The following ACOT11 variants were observed in gnomAD, a reference collection of about 807,000 sequenced individuals.
ACOT11 encodes the protein acyl-coenzyme A thioesterase 11.
ACOT11 carries 69 observed loss-of-function variants against 77.5 expected under a neutral mutation model. The observed-to-expected ratio is 0.89, with a 90% CI of 0.73 to 1.09. The LOEUF (loss-of-function observed/expected upper bound fraction) is 1.09, where lower values mean the gene tolerates loss of function less well. Ranked by LOEUF, ACOT11 falls within the 50% of genes least tolerant of loss-of-function variation. The pLI, the probability that ACOT11 is intolerant of heterozygous loss-of-function variation, is 0.00. For missense variants in ACOT11, 766 were observed against 813.7 expected (o/e 0.94, Z 0.71); for synonymous variants, 279 against 313.0 (o/e 0.89, Z 1.15).
chr1:54,600,192 C>T (rs577768556), intron 8 of ACOT11, among the ~76,000 whole-genome samples: 8 of 152,256 alleles, frequency 5.3e-5, no homozygotes, highest in South Asian at 2.1e-4. Flanking sequence ...CGTTCTGCCA[C>T]GGTGCAGGGG....
At chr1:54,557,160 A>G (rs796510765) in intron 1 of ACOT11, among the ~76,000 whole-genome samples, 74 of 152,052 alleles carry the variant, frequency 4.9e-4, no homozygotes, top group African/African-American at 1.7e-3. Flanking sequence ...TTGGGAGGCC[A>G]AGGCAGGCAG....
intron 1 of ACOT11, among the ~76,000 whole-genome samples, chr1:54,569,021 G>A (rs140773482): frequency 0.021 from 3,267 of 152,010 alleles, 58 homozygotes; most frequent in South Asian, 0.058. Flanking sequence ...TGAGGTGGGA[G>A]GATTACTTGA....
At position 54,607,466 on chromosome 1, in the gene ACOT11, C is replaced by T. The variant is rs2101007343; in HGVS notation, c.1502+201C>T. Among the ~76,000 whole-genome samples the T allele has an allele frequency of 6.6e-6, 1 of 152,246 alleles. No homozygotes were observed. Among genetic ancestry groups the T allele is most frequent in the South Asian group, 2.1e-4 (1 of 4,830 alleles). On this transcript the variant is annotated intron_variant, in intron 14 of 15. Transcript: ENST00000343744. This position sits in a 1 kb window ranked among gnomAD's most constrained non-coding sequence, Gnocchi z 4.5. The stretch of plus-strand genomic sequence containing the variant: ...ATGAGGGATAGGGGCACACATTTCC[C>T]CTCTTGTCGCATTCCCTAGAGCAGG...
downstream of ACOT11, chr1:54,610,959 A>G: frequency 1.0e-6 from 1 of 985,420 alleles, no homozygotes; most frequent in Non-Finnish European, 1.2e-6. Flanking sequence ...AATACAGTGG[A>G]GGCCTCTGAA....
intron 10 of ACOT11, among the ~76,000 whole-genome samples, chr1:54,603,378 A>C (rs1643987582): frequency 6.6e-6 from 1 of 152,220 alleles, no homozygotes; most frequent in Non-Finnish European, 1.5e-5. Flanking sequence ...AAATGAAGCC[A>C]GGTGTGTCTG....
At chr1:54,604,822 G>A (rs1487235294) in intron 12 of ACOT11, among the ~76,000 whole-genome samples, 1 of 152,196 alleles carries the variant, frequency 6.6e-6, no homozygotes, top group East Asian at 1.9e-4. Context: ...GTGCCACTGG[G>A]GCTTGGATGG....
At chr1:54,620,708 A>G (rs1010919446) in intron 15 of ACOT11, among the ~76,000 whole-genome samples, 5 of 151,024 alleles carry the variant, frequency 3.3e-5, no homozygotes, top group Admixed American at 1.3e-4. Flanking sequence ...AGCGGGATGG[A>G]CGTGGTGGCA....
At chr1:54,621,286 A>G (rs1644227944) in intron 15 of ACOT11, among the ~76,000 whole-genome samples, 2 of 151,902 alleles carry the variant, frequency 1.3e-5, no homozygotes, top group African/African-American at 2.4e-5. Flanking sequence ...GTGAAACCCC[A>G]TCTCTACTAA....
chr1:54,555,389 CCTTT>C (rs1233555765), intron 1 of ACOT11, among the ~76,000 whole-genome samples: 4 of 152,048 alleles, frequency 2.6e-5, no homozygotes, highest in Admixed American at 6.6e-5. Flanking sequence ...TGTATAGCTT[CCTTT>C]GAGAAATGCC....
chr1:54,573,247 C>T (rs946135581), intron 1 of ACOT11: 1 of 985,288 alleles, frequency 1.0e-6, no homozygotes, highest in Admixed American at 6.1e-5. Flanking sequence ...AGTGGTCAAG[C>T]AGTCTTAGCT....
intron 3 of ACOT11, among the ~76,000 whole-genome samples, chr1:54,588,982 A>G (rs1654609502): frequency 6.6e-6 from 1 of 152,138 alleles, no homozygotes; most frequent in East Asian, 1.9e-4. Context: ...CCACTTAAGA[A>G]TATTTCCAAA....
At chr1:54,605,054 G>A (rs757707002) in intron 12 of ACOT11, 22 bp from the exon 13 acceptor site, 2 of 1,602,232 alleles carry the variant, frequency 1.2e-6, no homozygotes, top group East Asian at 4.5e-5. Context: ...CAGCAAATGA[G>A]GCTGCCCTCT....
chr1:54,617,153 A>G (rs1369937561), intron 15 of ACOT11, among the ~76,000 whole-genome samples: 1 of 152,172 alleles, frequency 6.6e-6, no homozygotes, highest in Non-Finnish European at 1.5e-5. Flanking sequence ...AATCAGGTGG[A>G]CATCTTCTGA....
At chr1:54,614,444 G>C (rs1644150008), downstream of ACOT11, among the ~76,000 whole-genome samples, 1 of 152,178 alleles carries the variant, frequency 6.6e-6, no homozygotes, top group African/African-American at 2.4e-5. Context: ...TGTAGGGGTT[G>C]AGGGGCCCAG....
intron 1 of ACOT11, among the ~76,000 whole-genome samples, chr1:54,569,982 A>G (rs1188314601): frequency 6.6e-6 from 1 of 152,176 alleles, no homozygotes; most frequent in Non-Finnish European, 1.5e-5. Flanking sequence ...TTGAACACAT[A>G]TTTACTGAGC....
At chr1:54,576,109 G>A (rs1354469431) in intron 1 of ACOT11, among the ~76,000 whole-genome samples, 1 of 152,174 alleles carries the variant, frequency 6.6e-6, no homozygotes, top group African/African-American at 2.4e-5. Flanking sequence ...GGAGCTGGGG[G>A]TTGCTGATTG....
At chr1:54,637,031 TGGAG>T (rs1248034694) in exon 17 of ACOT11, 4 of 153,422 alleles carry the variant, frequency 2.6e-5, no homozygotes, top group African/African-American at 9.6e-5. Context: ...CAGAACAAAA[TGGAG>T]TCTCCTATGT....
chr1:54,552,484 TTTTG>T (rs910929078), intron 1 of ACOT11, among the ~76,000 whole-genome samples: 17 of 152,186 alleles, frequency 1.1e-4, no homozygotes, highest in African/African-American at 2.6e-4. Flanking sequence ...TTAGTGTTTT[TTTTG>T]TTTGTTTGTT....
At chr1:54,588,430 A>C (rs746672907) in intron 3 of ACOT11, among the ~76,000 whole-genome samples, 1 of 152,216 alleles carries the variant, frequency 6.6e-6, no homozygotes, top group Non-Finnish European at 1.5e-5. Context: ...ACAGATGAGG[A>C]AACTGAGGCA....
Sources: allele counts gnomAD v4.1 joint callset (sites outside exome capture counted in the v4.1 genomes callset), GRCh38; gene constraint gnomAD v4.1.1; non-coding constraint Gnocchi (gnomAD v3.1); transcripts MANE v1.5; gene names NCBI Gene and HGNC (gene_info 2026-07-23, HGNC 2026-07-21).